COP1: variants seen among roughly 807,000 people sequenced by gnomAD.
COP1 encodes E3 ubiquitin-protein ligase COP1.
Under a neutral mutation model 101.3 loss-of-function variants are expected in COP1, and 24 were observed. That is an observed-to-expected ratio of 0.24 (90% CI 0.17 to 0.33). The LOEUF is 0.33. Among genes scored for constraint, COP1 ranks in the 10% least tolerant of loss-of-function variants. The pLI is 1.00. For synonymous variants in COP1, 347 were observed against 341.9 expected (o/e 1.01, Z -0.17); for missense variants, 663 against 906.2 (o/e 0.73, Z 3.45).
intron 3 of COP1, among the ~76,000 whole-genome samples, chr1:176,171,727 T>C (rs775821491): frequency 3.9e-5 from 6 of 152,122 alleles, no homozygotes; most frequent in Admixed American, 6.5e-5. Flanking sequence ...TAAAGCAAAG[T>C]ACAATAAAAG....
At chr1:176,164,896 A>G (rs1694863894) in intron 3 of COP1, among the ~76,000 whole-genome samples, 2 of 152,202 alleles carry the variant, frequency 1.3e-5, no homozygotes, top group African/African-American at 4.8e-5. Context: ...TATAGACAAT[A>G]TCTTACAGAT....
intron 11 of COP1, among the ~76,000 whole-genome samples, chr1:176,047,727 G>T (rs1671753575): frequency 6.6e-6 from 1 of 152,064 alleles, no homozygotes; most frequent in African/African-American, 2.4e-5. Context: ...AATGATTAAT[G>T]ATTTATTAAG....
chr1:176,149,300 T>C (rs1475700274), intron 5 of COP1, among the ~76,000 whole-genome samples: 1 of 152,098 alleles, frequency 6.6e-6, no homozygotes, highest in African/African-American at 2.4e-5. Context: ...CTAAATTACA[T>C]CCCTTATCTA....
chr1:175,955,989 A>G (rs1650603914), intron 18 of COP1, among the ~76,000 whole-genome samples: 3 of 152,194 alleles, frequency 2.0e-5, no homozygotes, highest in African/African-American at 7.2e-5. Flanking sequence ...AGAAACTGGC[A>G]AAGTGATTCA....
intron 18 of COP1, among the ~76,000 whole-genome samples, chr1:175,971,368 T>C (rs939057183): frequency 6.6e-6 from 1 of 152,204 alleles, no homozygotes; most frequent in Non-Finnish European, 1.5e-5. Context: ...ATAAAATTTA[T>C]TCATTTAGCA....
intron 2 of COP1, among the ~76,000 whole-genome samples, chr1:176,181,427 CAAA>C (rs35756525): frequency 6.8e-6 from 1 of 147,068 alleles, no homozygotes; most frequent in African/African-American, 2.5e-5. Flanking sequence ...AACAAAACTG[CAAA>C]AAAAAAAAAA....
At chr1:176,073,414 T>C (rs889163149) in intron 11 of COP1, among the ~76,000 whole-genome samples, 1 of 152,216 alleles carries the variant, frequency 6.6e-6, no homozygotes, top group Non-Finnish European at 1.5e-5. Context: ...ATTTTTACCA[T>C]AACAATCTAG....
At chr1:176,075,583 G>A (rs1301051382) in intron 11 of COP1, among the ~76,000 whole-genome samples, 2 of 152,172 alleles carry the variant, frequency 1.3e-5, no homozygotes, top group African/African-American at 4.8e-5. Flanking sequence ...TCCATTTTAA[G>A]AGATGCAGAT....
chr1:176,094,099 T>A (rs1292250007), intron 9 of COP1, among the ~76,000 whole-genome samples: 7 of 151,380 alleles, frequency 4.6e-5, no homozygotes, highest in African/African-American at 1.2e-4. Flanking sequence ...AAGATGAGAA[T>A]AATTAACAAT....
intron 15 of COP1, among the ~76,000 whole-genome samples, chr1:176,021,849 T>A (rs547803143): frequency 6.6e-6 from 1 of 152,212 alleles, no homozygotes; most frequent in South Asian, 2.1e-4. Context: ...GCATAAAAAA[T>A]CATTTTAAGT....
chr1:176,163,058 T>G, intron 4 of COP1, 70 bp from the exon 5 acceptor site: 1 of 1,442,204 alleles, frequency 6.9e-7, no homozygotes, highest in Non-Finnish European at 9.4e-7. Flanking sequence ...AACAAATGTT[T>G]ACTTGCTACT....
In COP1 at chr1:176,206,500, C is replaced by G. The variant is rs910764141; in HGVS notation, c.407+72G>C. The G allele has an allele frequency of 1.9e-6, 3 of 1,544,912 alleles. 1 individual carries two copies. Among genetic ancestry groups the G allele is most frequent in the South Asian group, 2.3e-5 (2 of 88,266 alleles). On this transcript the variant is annotated intron_variant, in intron 1 of 19. Coordinates refer to ENST00000367669, the MANE Select transcript of COP1 (RefSeq NM_022457.7). Reference sequence around the variant, plus strand: ...TCCAACAAGCCACCCCCACACCAGACCCCCCGCCCCCAAGCCTAAGCGGCA... The same window carrying G: ...TCCAACAAGCCACCCCCACACCAGAGCCCCCGCCCCCAAGCCTAAGCGGCA...
intron 11 of COP1, among the ~76,000 whole-genome samples, chr1:176,068,487 AAAGG>A (rs1676402132): frequency 2.6e-5 from 4 of 152,350 alleles, no homozygotes; most frequent in South Asian, 4.1e-4. Context: ...AGTAAGTCTG[AAAGG>A]GTAAGAACGA....
intron 15 of COP1, among the ~76,000 whole-genome samples, chr1:175,999,383 T>A (rs1661056258): frequency 6.6e-6 from 1 of 152,070 alleles, no homozygotes; most frequent in East Asian, 1.9e-4. Flanking sequence ...CCAGGCTTAT[T>A]TCACTTTACA....
chr1:176,092,813 T>C (rs1265101230), intron 9 of COP1, among the ~76,000 whole-genome samples: 3 of 152,184 alleles, frequency 2.0e-5, no homozygotes, highest in Non-Finnish European at 4.4e-5. Context: ...AAAATACAAA[T>C]TTTGCATACC....
At chr1:176,181,556 T>C (rs1185478332) in intron 2 of COP1, among the ~76,000 whole-genome samples, 3 of 152,176 alleles carry the variant, frequency 2.0e-5, no homozygotes, top group African/African-American at 7.2e-5. Context: ...TTAAAACACA[T>C]TCTTGGCTGG....
Position 175,955,005 on chromosome 1 carries a change from T to C in COP1, c.2134-7766A>G, listed in dbSNP as rs1310868844. ...GTGGCTCATGCCTGTGATAGCACTC[T>C]GGGAAGCTAAGGCAGGTGGATTGCT... On this transcript the variant is annotated intron_variant, in intron 18 of 19. Transcript: ENST00000367669. Among the ~76,000 whole-genome samples the C allele has an allele frequency of 2.6e-5, 4 of 152,268 alleles. No homozygotes were observed. In the East Asian group the frequency reaches 7.7e-4, roughly 29 times the overall value.
chr1:176,196,654 C>T (rs1395406430), intron 1 of COP1, among the ~76,000 whole-genome samples: 2 of 152,092 alleles, frequency 1.3e-5, no homozygotes, highest in Non-Finnish European at 2.9e-5. Flanking sequence ...TATGGCTTCA[C>T]CAGTAAGTTC....
At chr1:176,100,708 A>C (rs1683256732) in intron 9 of COP1, among the ~76,000 whole-genome samples, 1 of 152,168 alleles carries the variant, frequency 6.6e-6, no homozygotes, top group Admixed American at 6.5e-5. Flanking sequence ...CTAACCAAAG[A>C]CAAGAACTAT....
Sources: gnomAD v4.1 joint callset for allele counts (sites outside exome capture counted in the v4.1 genomes callset) on GRCh38, gnomAD v4.1.1 for gene constraint, MANE v1.5 for transcripts, NCBI Gene and HGNC (gene_info 2026-07-23, HGNC 2026-07-21) for gene names.